NFATC1: variants seen among roughly 807,000 people sequenced by gnomAD.
The protein encoded by NFATC1 is nuclear factor of activated T-cells, cytoplasmic 1.
NFATC1 carries 22 observed loss-of-function variants against 76.0 expected under a neutral mutation model. The observed-to-expected ratio is 0.29, with a 90% CI of 0.21 to 0.41. The LOEUF is 0.41. Ranked by LOEUF, NFATC1 falls within the 10% of genes least tolerant of loss-of-function variation. The probability of loss-of-function intolerance (pLI) is 1.00; values close to 1 mark genes in which losing one functional copy is unlikely to be tolerated. For synonymous variants in NFATC1, 704 were observed against 613.1 expected (o/e 1.15, Z -2.19); for missense variants, 1,357 against 1,337.7 (o/e 1.01, Z -0.23).
chr18:79,525,772 TC>T (rs1426581181), intron 9 of NFATC1, among the ~76,000 whole-genome samples: 1 of 152,190 alleles, frequency 6.6e-6, no homozygotes, highest in African/African-American at 2.4e-5. Flanking sequence ...CAGCCTCCCT[TC>T]CCCCACAGGT....
chr18:79,426,390 G>A (rs879940799), intron 2 of NFATC1, among the ~76,000 whole-genome samples: 1 of 152,206 alleles, frequency 6.6e-6, no homozygotes, highest in Non-Finnish European at 1.5e-5. Flanking sequence ...CTGTGTGGCC[G>A]GCTCCCCAGG....
intron 3 of NFATC1, among the ~76,000 whole-genome samples, chr18:79,447,614 G>A (rs1396706978): frequency 5.9e-5 from 9 of 152,208 alleles, no homozygotes; most frequent in Non-Finnish European, 1.3e-4. Flanking sequence ...CCCCACTTGG[G>A]GGATGCAGAA....
At chr18:79,515,447 T>G in intron 9 of NFATC1, among the ~76,000 whole-genome samples, 1 of 145,402 alleles carries the variant, frequency 6.9e-6, no homozygotes, top group Non-Finnish European at 1.5e-5. Flanking sequence ...CCTGCAGTGG[T>G]GGTGGTGGGC....
At chr18:79,412,375 G>A (rs965681051) in intron 2 of NFATC1, among the ~76,000 whole-genome samples, 1 of 152,182 alleles carries the variant, frequency 6.6e-6, no homozygotes, top group Admixed American at 6.5e-5. Flanking sequence ...TGTGTCCTCA[G>A]GAAGAGGCGT....
chr18:79,400,748 C>G (rs118035325), intron 1 of NFATC1, among the ~76,000 whole-genome samples: 1 of 133,112 alleles, frequency 7.5e-6, no homozygotes, highest in South Asian at 2.7e-4. Flanking sequence ...GCTGGTGGCG[C>G]TGCCAGAGGC....
chr18:79,438,606 CAG>C (rs2086863860), intron 3 of NFATC1, among the ~76,000 whole-genome samples: 1 of 152,226 alleles, frequency 6.6e-6, no homozygotes, highest in Non-Finnish European at 1.5e-5. Context: ...CGTTCTGAAA[CAG>C]CATTTTAGGT....
chr18:79,411,706 G>A (rs1192798888), intron 2 of NFATC1, among the ~76,000 whole-genome samples: 5 of 152,148 alleles, frequency 3.3e-5, no homozygotes, highest in Non-Finnish European at 5.9e-5. Flanking sequence ...TTCCTTGTGC[G>A]CCTCGCCTCT....
chr18:79,526,967 C>T lies in NFATC1; in HGVS notation c.2783-561C>T, dbSNP rs140347026. 3.3e-5 allele frequency among the ~76,000 whole-genome samples: 5 copies of T among 152,198 alleles called. 1 individual carries two copies. The highest frequency in any genetic ancestry group is 1.9e-4 in the East Asian group (1 of 5,180). ...TCCCCTATCTCAGCGCCCATCAGGG[C>T]GGCCACAGCAGGAGGTGGGTGGGGC... On this transcript the variant is annotated intron_variant, in intron 9 of 9. Transcript: ENST00000427363.
At position 79,429,207 on chromosome 18, in the gene NFATC1, C is replaced by T. The variant is rs192110586; in HGVS notation, c.1227-4372C>T. Among the ~76,000 whole-genome samples the T allele has an allele frequency of 8.8e-5, 11 of 125,492 alleles. No individual in the cohort carries two copies. In the East Asian group the frequency reaches 2.1e-3, roughly 24 times the overall value. 82.3% of individuals were successfully genotyped at this position (125,492 alleles called of 152,430 possible). A position where few individuals can be genotyped will look rare whatever the true frequency, so the allele number is the denominator to read the frequency against. ...CTGCACTCCAGCCTGGGCCACAGAG[C>T]GGGACTCCGTCTCAAAAAAAAAAAA... On this transcript the variant is annotated intron_variant, in intron 2 of 9. Transcript: ENST00000427363.
At chr18:79,437,034 G>A (rs955737964) in intron 3 of NFATC1, among the ~76,000 whole-genome samples, 68 of 152,202 alleles carry the variant, frequency 4.5e-4, no homozygotes, top group Non-Finnish European at 2.4e-4. Flanking sequence ...CAACAGGGCC[G>A]TGGTTTAGCC....
intron 9 of NFATC1, among the ~76,000 whole-genome samples, chr18:79,502,366 A>G (rs2090032687): frequency 6.6e-6 from 1 of 152,238 alleles, no homozygotes; most frequent in Non-Finnish European, 1.5e-5. Flanking sequence ...AAAATAGTCA[A>G]ACGTTTTTGG....
At chr18:79,513,486 G>A (rs2090308625) in intron 9 of NFATC1, among the ~76,000 whole-genome samples, 1 of 152,238 alleles carries the variant, frequency 6.6e-6, no homozygotes, top group African/African-American at 2.4e-5. Flanking sequence ...CAAACAAAAT[G>A]TCACTTTAAA....
rs1347477231 is a variant in NFATC1, at chr18:79,410,501, A to C, written c.226A>C (p.Thr76Pro). 1.2e-6 allele frequency: 2 copies of C among 1,611,742 alleles called. No homozygotes were observed. Among genetic ancestry groups the C allele is most frequent in the Admixed American group, 3.3e-5 (2 of 59,966 alleles). ...CCCGTGCCACAACCTTCAGACCTCC[A>C]CACCGGGCATCATCCCGCCGGCGGA... ...PAPCHNLQTS[T>P]PGIIPPADHP... The change falls in exon 2 of 10, where the codon ACA becomes CCA. Residue 76 changes from threonine to proline, a missense_variant. By Grantham distance (38) the Thr-to-Pro change is conservative. This residue lies in a region of NFATC1 where 691 missense variants were observed against 613.1 expected (regional missense o/e 1.13). Coordinates refer to ENST00000427363, the MANE Select transcript of NFATC1 (RefSeq NM_001278669.2). This position sits in a 1 kb window ranked among gnomAD's most constrained non-coding sequence, Gnocchi z 6.7.
intron 9 of NFATC1, among the ~76,000 whole-genome samples, chr18:79,522,984 C>T (rs1167398714): frequency 6.6e-6 from 1 of 152,208 alleles, no homozygotes; most frequent in East Asian, 1.9e-4. Flanking sequence ...GCTCAGACCC[C>T]AGTAAGGGTC....
At chr18:79,463,329 A>C (rs2088225466) in intron 7 of NFATC1, among the ~76,000 whole-genome samples, 1 of 151,884 alleles carries the variant, frequency 6.6e-6, no homozygotes, top group Admixed American at 6.6e-5. Flanking sequence ...CCCGGCCTAC[A>C]CGGCCCGTTG....
chr18:79,466,999 C>T (rs140860914), intron 7 of NFATC1, among the ~76,000 whole-genome samples: 304 of 152,344 alleles, frequency 2.0e-3, no homozygotes, highest in Non-Finnish European at 3.6e-3. Context: ...CAGGTGGCCC[C>T]GGGCAACCTC....
At chr18:79,411,640 C>G (rs1031523561) in intron 2 of NFATC1, 139 bp downstream of exon 2, 2 of 602,974 alleles carry the variant, frequency 3.3e-6, no homozygotes, top group East Asian at 6.2e-5. Flanking sequence ...CAGGTGGGCT[C>G]CTCGTGGAGC....
chr18:79,459,265 G>C (rs891535814), intron 6 of NFATC1, among the ~76,000 whole-genome samples: 1 of 152,254 alleles, frequency 6.6e-6, no homozygotes, highest in African/African-American at 2.4e-5. Flanking sequence ...CCTTGGGGCC[G>C]CTCCGGCAAG....
At position 79,526,370 on chromosome 18, in the gene NFATC1, G is replaced by A. The variant is rs530087127; in HGVS notation, c.2783-1158G>A. ...GGCTGAGTGCCAGGTCCCGTCTTGG[G>A]CAGGGCCCAGGATCAGCGTGGCTCT... On this transcript the variant is annotated intron_variant, in intron 9 of 9. Transcript: ENST00000427363. 2.5e-3 allele frequency among the ~76,000 whole-genome samples: 376 copies of A among 152,374 alleles called. 2 individuals carry two copies. Among genetic ancestry groups the A allele is most frequent in the African/African-American group, 8.1e-3 (338 of 41,582 alleles).
Sources: gnomAD v4.1 joint callset for allele counts (sites outside exome capture counted in the v4.1 genomes callset) on GRCh38, gnomAD v4.1.1 for gene constraint, gnomAD v4.1.1 regional missense constraint, Gnocchi (gnomAD v3.1) non-coding constraint, MANE v1.5 for transcripts, NCBI Gene and HGNC (gene_info 2026-07-23, HGNC 2026-07-21) for gene names.